Variants in CFAP54 observed in about 807,000 individuals in gnomAD.
CFAP54 encodes cilia and flagella associated protein 54.
CFAP54 carries 290 observed loss-of-function variants against 370.4 expected under a neutral mutation model. The observed-to-expected ratio is 0.78, with a 90% CI of 0.71 to 0.86. The LOEUF is 0.86. CFAP54 is among the 40% of genes least tolerant of loss of function. The probability of loss-of-function intolerance (pLI) is 0.00; values close to 1 mark genes in which losing one functional copy is unlikely to be tolerated. For missense variants in CFAP54, 3,399 were observed against 3,528.7 expected, an observed-to-expected ratio of 0.96 and a Z score of 0.93; for synonymous variants, 1,206 against 1,236.5, an observed-to-expected ratio of 0.98 and a Z score of 0.52.
At position 96,824,013 on chromosome 12, in the gene CFAP54, T is replaced by G. The variant is rs563901466; in HGVS notation, c.9097-5001T>G. ...GATGATTTCAACCAAATCTAAGAATTGGCTTTAATATCTTGAAGTCACTCA... is the reference window on the plus strand; with the variant it reads ...GATGATTTCAACCAAATCTAAGAATGGGCTTTAATATCTTGAAGTCACTCA... On this transcript the variant is annotated intron_variant, in intron 65 of 67. Transcript: ENST00000524981. Among the ~76,000 whole-genome samples, 6 of 152,312 alleles carry G rather than the reference T, an allele frequency of 3.9e-5. No individual in the cohort carries two copies. In the South Asian group the frequency reaches 1.2e-3, roughly 32 times the overall value.
At chr12:96,673,178 C>T (rs1957168370) in intron 39 of CFAP54, among the ~76,000 whole-genome samples, 1 of 152,232 alleles carries the variant, frequency 6.6e-6, no homozygotes, top group African/African-American at 2.4e-5. Context: ...TTAATTTTTA[C>T]AGTCAAAGGA....
chr12:96,704,168 C>T (rs572040923), intron 46 of CFAP54, among the ~76,000 whole-genome samples: 1 of 152,008 alleles, frequency 6.6e-6, no homozygotes, highest in African/African-American at 2.4e-5. Context: ...TGGCTCACGC[C>T]TATAATCCCA....
At chr12:96,543,335 G>A (rs1955598431) in intron 14 of CFAP54, among the ~76,000 whole-genome samples, 1 of 152,194 alleles carries the variant, frequency 6.6e-6, no homozygotes, top group African/African-American at 2.4e-5. Context: ...TGCATGGTAA[G>A]TTAATGAGAA....
intron 14 of CFAP54, among the ~76,000 whole-genome samples, chr12:96,545,590 T>A (rs996796336): frequency 1.3e-5 from 2 of 152,224 alleles, no homozygotes; most frequent in African/African-American, 4.8e-5. Flanking sequence ...GTTAACCTAT[T>A]CATGTGAGGA....
intron 4 of CFAP54, among the ~76,000 whole-genome samples, chr12:96,512,347 A>ATATATATATATG (rs1955182213): frequency 1.3e-5 from 1 of 75,730 alleles, no homozygotes; most frequent in East Asian, 3.3e-4. Context: ...ATATATATAT[A>ATATATATATATG]TATGTATATA....
chr12:96,641,597 T>C (rs1483174693), intron 32 of CFAP54, among the ~76,000 whole-genome samples: 2 of 152,156 alleles, frequency 1.3e-5, no homozygotes, highest in Non-Finnish European at 2.9e-5. Context: ...CAAAGGATTA[T>C]AAATCATGCT....
chr12:96,606,401 G>C (rs535617420), intron 26 of CFAP54, among the ~76,000 whole-genome samples: 1 of 152,214 alleles, frequency 6.6e-6, no homozygotes, highest in East Asian at 1.9e-4. Flanking sequence ...AGCCATAGTC[G>C]TGCTTAGCAT....
rs141180293 is a variant in CFAP54, at chr12:96,688,954, G to C, written c.6053G>C (p.Cys2018Ser). ...TTGAATGTTGAAAAGAAAACTGACT[G>C]TTGCATTTTGTCTGCGTTACTCTTT... Reference protein sequence around the residue: ...KSLNVEKKTDCCILSALLFQG... With the variant: ...KSLNVEKKTDSCILSALLFQG... The change falls in exon 43 of 68, where the codon TGT becomes TCT. Residue 2018 changes from cysteine (C) to serine (S), a missense_variant. Cys to Ser is a moderately radical substitution (Grantham distance 112). Coordinates refer to ENST00000524981, the MANE Select transcript of CFAP54 (RefSeq NM_001306084.2). The C allele has an allele frequency of 3.5e-5, 56 of 1,582,768 alleles. No homozygotes were observed. The highest frequency in any genetic ancestry group is 4.5e-5 in the Non-Finnish European group (52 of 1,168,056).
intron 34 of CFAP54, 118 bp downstream of exon 34, chr12:96,648,135 C>CCAA: frequency 1.5e-6 from 1 of 676,410 alleles, no homozygotes; most frequent in South Asian, 5.3e-5. Context: ...TCCAAAGGAC[C>CCAA]AGCAATTTAG....
intron 38 of CFAP54, among the ~76,000 whole-genome samples, chr12:96,662,921 C>T (rs1345104941): frequency 6.6e-6 from 1 of 152,078 alleles, no homozygotes. Flanking sequence ...AGAGCATTTG[C>T]AATTCTTTAA....
At chr12:96,543,954 G>A (rs925647764) in intron 14 of CFAP54, among the ~76,000 whole-genome samples, 17 of 152,064 alleles carry the variant, frequency 1.1e-4, no homozygotes, top group Non-Finnish European at 1.0e-4. Flanking sequence ...TAGCTCTAAT[G>A]TGTTCTATAC....
Position 96,743,788 on chromosome 12 carries a change from C to T in CFAP54, c.7435C>T (p.Leu2479=). 6.2e-7 allele frequency: 1 copy of T among 1,613,844 alleles called. No individual in the cohort carries two copies. Among genetic ancestry groups the T allele is most frequent in the Non-Finnish European group, 8.5e-7 (1 of 1,179,846 alleles). Residue 2479 remains leucine, a synonymous_variant, in exon 54 of 68, where the codon CTG becomes TTG. Transcript: ENST00000524981. ...EFISPQSRLT[L]ARSLVLLDDL... ...TATTTCTCCTCAATCACGGCTAACC[C>T]TGGCAAGAAGCCTAGTTTTGCTGGA... is the stretch of plus-strand genomic sequence containing the variant.
At chr12:96,591,719 C>T (rs1188504514) in intron 23 of CFAP54, among the ~76,000 whole-genome samples, 1 of 151,854 alleles carries the variant, frequency 6.6e-6, no homozygotes, top group African/African-American at 2.4e-5. Flanking sequence ...GAAACCCCGT[C>T]TCTACTAAAA....
intron 18 of CFAP54, 41 bp from the exon 19 acceptor site, chr12:96,564,603 T>G: frequency 1.5e-6 from 1 of 666,106 alleles, no homozygotes; most frequent in Non-Finnish European, 2.7e-6. Flanking sequence ...TGGAAGATAG[T>G]TTTTAATCTC....
At chr12:96,740,393 C>A (rs1054856541) in intron 51 of CFAP54, among the ~76,000 whole-genome samples, 4 of 152,236 alleles carry the variant, frequency 2.6e-5, no homozygotes, top group Non-Finnish European at 4.4e-5. Flanking sequence ...CCAAGACTTG[C>A]TCCTCATTCC....
intron 66 of CFAP54, among the ~76,000 whole-genome samples, chr12:96,853,411 T>TG (rs1477757403): frequency 6.6e-6 from 1 of 152,146 alleles, no homozygotes; most frequent in Non-Finnish European, 1.5e-5. Flanking sequence ...ACTCCTTGAG[T>TG]GCTGACCATG....
At position 96,503,463 on chromosome 12, in the gene CFAP54, C is replaced by T. The variant is rs549167690; in HGVS notation, c.424-423C>T. ...TTCCTTCCTTCCTTTGTTTCTCTCT[C>T]GCTCGCTCGCTCTTCGTTTCTTTTC... is the stretch of plus-strand genomic sequence containing the variant. On this transcript the variant is annotated intron_variant, in intron 2 of 67. Coordinates refer to ENST00000524981, the MANE Select transcript of CFAP54 (RefSeq NM_001306084.2). 1.7e-4 allele frequency among the ~76,000 whole-genome samples: 23 copies of T among 136,550 alleles called. No individual in the cohort carries two copies. In the South Asian group the frequency reaches 2.7e-3, roughly 16 times the overall value. 89.6% of individuals were successfully genotyped at this position (136,550 alleles called of 152,430 possible).
intron 5 of CFAP54, among the ~76,000 whole-genome samples, chr12:96,517,028 A>T (rs954054720): frequency 7.9e-5 from 12 of 151,580 alleles, no homozygotes; most frequent in African/African-American, 2.9e-4. Flanking sequence ...CATGAAGAGA[A>T]TAGTCCTGAT....
In CFAP54 at chr12:96,657,585, G is replaced by A. The variant is rs114259954; in HGVS notation, c.5101-297G>A. Reference sequence around the variant, plus strand: ...AAACTTGAATGAATTAAAATTAAACGAAATTAAAAATTCAGTTGCACTAAT... The same window carrying A: ...AAACTTGAATGAATTAAAATTAAACAAAATTAAAAATTCAGTTGCACTAAT... On this transcript the variant is annotated intron_variant, in intron 36 of 67. Transcript: ENST00000524981. Among the ~76,000 whole-genome samples the A allele has an allele frequency of 5.4e-3, 825 of 152,212 alleles. 9 individuals carry two copies. The highest frequency in any genetic ancestry group is 0.018 in the African/African-American group (753 of 41,552).
Sources: gnomAD v4.1 joint callset for allele counts (sites outside exome capture counted in the v4.1 genomes callset) on GRCh38, gnomAD v4.1.1 for gene constraint, MANE v1.5 for transcripts, NCBI Gene and HGNC (gene_info 2026-07-23, HGNC 2026-07-21) for gene names.